The following MYO7A variants were observed in gnomAD, a reference collection of about 807,000 sequenced individuals.
MYO7A encodes myosin VIIA, also known as unconventional myosin-VIIa.
Under a neutral mutation model 263.8 loss-of-function variants are expected in MYO7A, and 210 were observed. The ratio of observed to expected loss-of-function variants is 0.80; its 90% CI spans 0.71 to 0.89. The LOEUF is 0.89. Among genes scored for constraint, MYO7A ranks in the 40% least tolerant of loss-of-function variants. The probability of loss-of-function intolerance (pLI) is 0.00; values close to 1 mark genes in which losing one functional copy is unlikely to be tolerated. For missense variants in MYO7A, 2,820 were observed against 2,968.3 expected (o/e 0.95, Z 1.16); for synonymous variants, 1,239 against 1,197.3 (o/e 1.03, Z -0.72).
rs543919144 is a variant in MYO7A, at chr11:77,192,937, G to C, written c.4152+659G>C. Among the ~76,000 whole-genome samples the C allele has an allele frequency of 2.2e-4, 7 of 31,896 alleles. 1 individual carries two copies. The East Asian group carries it at 6.2e-3, about 28-fold the overall frequency. 20.9% of individuals were successfully genotyped at this position (31,896 alleles called of 152,430 possible). A position where few individuals can be genotyped will look rare whatever the true frequency, so the allele number is the denominator to read the frequency against. ...GGAGGGTAGTGATGGTGTTGTTTGT[G>C]ATGGTGGAGGTAGTGATGGTGTTGG... On this transcript the variant is annotated intron_variant, in intron 31 of 48. Coordinates refer to ENST00000409709, the MANE Select transcript of MYO7A (RefSeq NM_000260.4).
At chr11:77,179,996 G>A (rs1157698907) in intron 21 of MYO7A, 43 bp downstream of exon 21, 21 of 1,489,832 alleles carry the variant, frequency 1.4e-5, no homozygotes, top group Middle Eastern at 2.4e-4. Context: ...TGACCCCTGG[G>A]CGAGGAGTGT....
chr11:77,164,953 C>T (rs1364897847), intron 14 of MYO7A, among the ~76,000 whole-genome samples: 1 of 152,180 alleles, frequency 6.6e-6, no homozygotes, highest in Non-Finnish European at 1.5e-5. Flanking sequence ...CTTTTCAATA[C>T]AGCGTCTTAT....
intron 12 of MYO7A, 47 bp downstream of exon 12, chr11:77,161,162 A>G (rs1555068558): frequency 6.2e-7 from 1 of 1,608,244 alleles, no homozygotes; most frequent in South Asian, 1.1e-5. Flanking sequence ...CCCAATATGG[A>G]AATAAGAAAT....
intron 42 of MYO7A, among the ~76,000 whole-genome samples, 171 bp downstream of exon 42, chr11:77,207,573 GCT>G (rs1414950223): frequency 1.3e-5 from 2 of 152,122 alleles, no homozygotes; most frequent in African/African-American, 2.4e-5. Flanking sequence ...GCTGCCCCCA[GCT>G]CTCTCTCTTC....
chr11:77,146,532 T>C (rs1195111086), intron 3 of MYO7A, among the ~76,000 whole-genome samples: 2 of 152,004 alleles, frequency 1.3e-5, no homozygotes, highest in Non-Finnish European at 2.9e-5. Context: ...GAGGGTTGAA[T>C]GGGCAGGACT....
chr11:77,200,701 G>T (rs1957005802), intron 35 of MYO7A, among the ~76,000 whole-genome samples: 1 of 152,248 alleles, frequency 6.6e-6, no homozygotes, highest in Admixed American at 6.5e-5. Context: ...GCAGAAGCCT[G>T]TGCCTTTAAT....
In MYO7A at chr11:77,174,902, G is replaced by C. The variant is rs782034714; in HGVS notation, c.2082G>C (p.Pro694=). ...RYRVLLPGVK[P]AYKQGDLRGT... is the part of the protein sequence containing the mutation. ...GTGTGCTGCTGCCAGGTGTGAAGCC[G>C]GCCTACAAGCAGGTACAGGGCTGAG... is the stretch of plus-strand genomic sequence containing the variant. The change falls in exon 17 of 49, where the codon CCG becomes CCC. Residue 694 remains proline, a synonymous_variant. Coordinates refer to ENST00000409709, the MANE Select transcript of MYO7A (RefSeq NM_000260.4). The C allele has an allele frequency of 1.9e-6, 3 of 1,613,654 alleles. No individual in the cohort carries two copies. The highest frequency in any genetic ancestry group is 1.7e-6 in the Non-Finnish European group (2 of 1,179,834).
chr11:77,197,459 C>T (rs1158905180), intron 32 of MYO7A, 22 bp from the exon 33 acceptor site: 3 of 1,528,148 alleles, frequency 2.0e-6, no homozygotes, highest in Non-Finnish European at 2.7e-6. Flanking sequence ...TCTTCTGTCC[C>T]TCTGTCCCTC....
At chr11:77,196,292 G>C (rs1281600249) in intron 32 of MYO7A, among the ~76,000 whole-genome samples, 2 of 152,010 alleles carry the variant, frequency 1.3e-5, no homozygotes, top group African/African-American at 4.8e-5. Flanking sequence ...CTTGAACTCG[G>C]GAGGCGGAGG....
Position 77,205,635 on chromosome 11 carries a change from G to T in MYO7A, c.5636+18G>T, listed in dbSNP as rs756855583. 3 of 1,612,594 alleles carry T rather than the reference G, an allele frequency of 1.9e-6. No individual in the cohort carries two copies. Among genetic ancestry groups the T allele is most frequent in the African/African-American group, 2.7e-5 (2 of 74,906 alleles). On this transcript the variant is annotated intron_variant, in intron 40 of 48. Coordinates refer to ENST00000409709, the MANE Select transcript of MYO7A (RefSeq NM_000260.4). ...GCCCTGAGGTACAGCGGCCACCAGG[G>T]GCAGGGACAGACACTGGGGCGGGCT...
intron 18 of MYO7A, among the ~76,000 whole-genome samples, chr11:77,177,170 C>T (rs1456286867): frequency 1.3e-5 from 2 of 152,130 alleles, no homozygotes; most frequent in East Asian, 1.9e-4. Context: ...TGCCAAGGTT[C>T]GGGAGAAGAA....
At chr11:77,202,879 G>A (rs1412502821) in intron 37 of MYO7A, among the ~76,000 whole-genome samples, 181 bp from the exon 38 acceptor site, 3 of 151,834 alleles carry the variant, frequency 2.0e-5, no homozygotes, top group African/African-American at 4.8e-5. Flanking sequence ...GAGAAAGAAA[G>A]GCCCAGTGAC....
intron 13 of MYO7A, among the ~76,000 whole-genome samples, chr11:77,162,574 T>A (rs3740763): frequency 1.3e-5 from 2 of 151,986 alleles, no homozygotes; most frequent in Non-Finnish European, 2.9e-5. Context: ...CAGGACACAG[T>A]GTATATCTCA....
intron 39 of MYO7A, among the ~76,000 whole-genome samples, chr11:77,204,935 T>C (rs1379856001): frequency 6.6e-6 from 1 of 152,156 alleles, no homozygotes; most frequent in East Asian, 1.9e-4. Context: ...CTTCAAAGCC[T>C]AGTTCAAATG....
chr11:77,177,642 A>C lies in MYO7A; in HGVS notation c.2281A>C (p.Arg761=). 1.2e-6 allele frequency: 2 copies of C among 1,607,008 alleles called. No homozygotes were observed. The highest frequency in any genetic ancestry group is 1.7e-6 in the Non-Finnish European group (2 of 1,176,928). ...LQKVIRGFKD[R]SNFLKLKNAA... ...GAAAGTCATCCGGGGATTCAAAGAC[A>C]GGTGCGTGTTCCCACCAGCTCCTCC... is the stretch of plus-strand genomic sequence containing the variant. Residue 761 remains arginine, a splice_region_variant and synonymous_variant, in exon 19 of 49, where the codon AGG becomes CGG. Transcript: ENST00000409709.
rs1555076948 is a variant in MYO7A at position 77,172,747 on chromosome 11, G to A, written c.1798-1G>A. ...CCCATCGCTGCCGTCCGTCCCCCCA[G>A]GGCGCCGAGACCAGGAAGCGCTCGC... is the stretch of plus-strand genomic sequence containing the variant. On this transcript the variant is annotated splice_acceptor_variant, in intron 15 of 48. Coordinates refer to ENST00000409709, the MANE Select transcript of MYO7A (RefSeq NM_000260.4). LOFTEE classifies it high-confidence loss of function. The A allele has an allele frequency of 2.6e-6, 4 of 1,555,580 alleles. No homozygotes were observed. Among genetic ancestry groups the A allele is most frequent in the Non-Finnish European group, 3.5e-6 (4 of 1,150,546 alleles).
chr11:77,170,856 G>T (rs1954024239), intron 15 of MYO7A, among the ~76,000 whole-genome samples: 1 of 152,174 alleles, frequency 6.6e-6, no homozygotes, highest in Admixed American at 6.5e-5. Context: ...GAGATATTTT[G>T]AAAGTAGAGC....
In MYO7A at chr11:77,175,426, G is replaced by A. The variant is rs782696212; in HGVS notation, c.2149G>A (p.Asp717Asn). Residue 717 changes from aspartate (D) to asparagine (N), a missense_variant, in exon 18 of 49, where the codon GAT (aspartate) becomes AAT (asparagine). Asp to Asn is a conservative substitution (Grantham distance 23). Transcript: ENST00000409709. ...GGCTGAGGCTGTGCTGGGCACCCAC[G>A]ATGACTGGCAGATAGGCAAAACCAA... ...RMAEAVLGTH[D>N]DWQIGKTKIF... The A allele has an allele frequency of 1.2e-4, 197 of 1,613,264 alleles. 1 individual carries two copies. Among genetic ancestry groups the A allele is most frequent in the South Asian group, 8.3e-4 (76 of 91,084 alleles).
At chr11:77,130,875 G>A (rs1320668447) in intron 2 of MYO7A, among the ~76,000 whole-genome samples, 1 of 152,202 alleles carries the variant, frequency 6.6e-6, no homozygotes, top group African/African-American at 2.4e-5. Flanking sequence ...GGGCAGAAAT[G>A]AGTTTATTTA....
Sources: allele counts gnomAD v4.1 joint callset (sites outside exome capture counted in the v4.1 genomes callset), GRCh38; gene constraint gnomAD v4.1.1; transcripts MANE v1.5; gene names NCBI Gene and HGNC (gene_info 2026-07-23, HGNC 2026-07-21).